Variants in SRFBP1 observed in about 807,000 individuals in gnomAD.
The protein encoded by SRFBP1 is serum response factor binding protein 1, also known as serum response factor-binding protein 1.
Under a neutral mutation model 45.5 loss-of-function variants are expected in SRFBP1, and 47 were observed. That is an observed-to-expected ratio of 1.03 (90% confidence interval 0.82 to 1.32). SRFBP1 has a LOEUF of 1.32. SRFBP1 is among the 40% of genes most tolerant of loss of function. The probability of loss-of-function intolerance (pLI) is 0.00; values close to 1 mark genes in which losing one functional copy is unlikely to be tolerated. For synonymous variants in SRFBP1, 203 were observed against 166.3 expected (o/e 1.22, Z -1.70); for missense variants, 621 against 484.6 (o/e 1.28, Z -2.64).
intron 1 of SRFBP1, among the ~76,000 whole-genome samples, chr5:121,964,709 A>G (rs1042187964): frequency 2.0e-5 from 3 of 152,142 alleles, no homozygotes; most frequent in Admixed American, 1.3e-4. Context: ...TATATAGCCA[A>G]TAATGGGATT....
chr5:122,077,744 T>C (rs1443211671), downstream of SRFBP1: 1 of 1,567,870 alleles, frequency 6.4e-7, no homozygotes, highest in Non-Finnish European at 8.6e-7. The surrounding 1 kb of genome is among the most constrained non-coding windows in gnomAD (Gnocchi z 4.9). Flanking sequence ...GGCGGAGGCG[T>C]TGGCTGCACC....
chr5:122,007,498 A>G (rs1006146731), intron 4 of SRFBP1, among the ~76,000 whole-genome samples: 4 of 151,924 alleles, frequency 2.6e-5, no homozygotes, highest in Non-Finnish European at 5.9e-5. Flanking sequence ...TCCTGGGGCC[A>G]TGGGGAACAG....
intron 3 of SRFBP1, among the ~76,000 whole-genome samples, chr5:121,976,195 G>A (rs1221878635): frequency 6.6e-6 from 1 of 151,652 alleles, no homozygotes; most frequent in African/African-American, 2.4e-5. Flanking sequence ...TAAACGGATA[G>A]TAAAGTGTTT....
At chr5:122,000,550 A>G (rs1196019963) in intron 4 of SRFBP1, among the ~76,000 whole-genome samples, 1 of 152,042 alleles carries the variant, frequency 6.6e-6, no homozygotes, top group Non-Finnish European at 1.5e-5. Flanking sequence ...AAATATTTTT[A>G]CTAAGTATAG....
rs546815625 is a variant in SRFBP1 at position 122,020,129 on chromosome 5, G to T, written c.394G>T (p.Glu132Ter). Reference protein sequence around the residue: ...AFKEARQNVAEVESSKNASED... With the variant: ...AFKEARQNVA ...TAAAGAAGCAAGACAAAATGTTGCT[G>T]AAGTTGAGTCATCAAAGAATGCTTC... Residue 132 changes from glutamate to a stop codon, truncating the protein, a stop_gained, in exon 6 of 8, where the codon GAA (glutamate) becomes TAA (stop). Coordinates refer to ENST00000339397, the MANE Select transcript of SRFBP1 (RefSeq NM_152546.3). LOFTEE classifies it high-confidence loss of function. 1 of 1,587,704 alleles carries T rather than the reference G, an allele frequency of 6.3e-7. No homozygotes were observed. Among genetic ancestry groups the T allele is most frequent in the East Asian group, 2.2e-5 (1 of 44,660 alleles).
intron 4 of SRFBP1, among the ~76,000 whole-genome samples, chr5:122,006,549 C>G (rs924734608): frequency 6.6e-6 from 1 of 152,056 alleles, no homozygotes; most frequent in African/African-American, 2.4e-5. Context: ...TCTTTTGATG[C>G]TGTTCCATAA....
intron 3 of SRFBP1, among the ~76,000 whole-genome samples, chr5:121,985,960 C>G (rs1169219940): frequency 6.6e-6 from 1 of 151,702 alleles, no homozygotes; most frequent in East Asian, 1.9e-4. Context: ...GTCTGCAGTT[C>G]AGAGAAATTA....
chr5:122,045,733 T>C (rs576564843), intron 2 of SRFBP1, among the ~76,000 whole-genome samples: 1 of 152,342 alleles, frequency 6.6e-6, no homozygotes, highest in South Asian at 2.1e-4. Context: ...TGAAGGTCTT[T>C]ATCATATTGA....
chr5:121,989,050 T>C (rs539257976), intron 3 of SRFBP1, among the ~76,000 whole-genome samples: 2 of 146,038 alleles, frequency 1.4e-5, no homozygotes, highest in East Asian at 2.0e-4. Context: ...AAAAAAGATA[T>C]TGGAATTTGT....
At chr5:121,979,685 G>A (rs139224321) in intron 3 of SRFBP1, among the ~76,000 whole-genome samples, 1 of 152,264 alleles carries the variant, frequency 6.6e-6, no homozygotes, top group Non-Finnish European at 1.5e-5. Flanking sequence ...AAAGGGGACA[G>A]GAGAAGCAAG....
intron 3 of SRFBP1, among the ~76,000 whole-genome samples, chr5:121,976,189 C>T (rs577326577): frequency 2.0e-5 from 3 of 152,036 alleles, no homozygotes; most frequent in African/African-American, 4.8e-5. Context: ...TCCTTTTAAA[C>T]GGATAGTAAA....
chr5:122,052,770 G>T (rs867576557), intron 2 of SRFBP1, among the ~76,000 whole-genome samples: 28 of 152,248 alleles, frequency 1.8e-4, no homozygotes, highest in Middle Eastern at 3.4e-3. Flanking sequence ...TTTCGACTCA[G>T]TTAAGAACCT....
At chr5:122,007,640 G>A (rs151206948) in intron 4 of SRFBP1, among the ~76,000 whole-genome samples, 8 of 151,260 alleles carry the variant, frequency 5.3e-5, no homozygotes, top group Admixed American at 3.3e-4. Context: ...AGACAGGAGC[G>A]GTCCTGCACC....
At chr5:122,053,081 G>A (rs1451859017) in intron 2 of SRFBP1, among the ~76,000 whole-genome samples, 1 of 152,142 alleles carries the variant, frequency 6.6e-6, no homozygotes, top group Non-Finnish European at 1.5e-5. Flanking sequence ...CCATGGGGCT[G>A]CTTAGGCAGG....
intron 3 of SRFBP1, among the ~76,000 whole-genome samples, chr5:121,978,520 C>G (rs542943173): frequency 1.3e-5 from 2 of 152,028 alleles, no homozygotes; most frequent in African/African-American, 4.8e-5. Flanking sequence ...GAGATGGAGT[C>G]TCTCTCTGTC....
chr5:121,964,289 G>C (rs976201868), intron 1 of SRFBP1, among the ~76,000 whole-genome samples: 3 of 151,996 alleles, frequency 2.0e-5, no homozygotes, highest in Non-Finnish European at 2.9e-5. Flanking sequence ...GTGGTTTACT[G>C]CACCCATTAA....
downstream of SRFBP1, chr5:122,076,927 G>A (rs762801139): frequency 1.5e-5 from 25 of 1,613,668 alleles, no homozygotes; most frequent in South Asian, 2.7e-4. Context: ...GCGCATCTCA[G>A]GTTGTACATG....
intron 2 of SRFBP1, chr5:122,074,073 A>C (rs1368812975): frequency 6.2e-7 from 1 of 1,614,178 alleles, no homozygotes; most frequent in African/African-American, 1.3e-5. Context: ...ATGTGTCTTC[A>C]AGACAGAAAC....
chr5:121,962,135 G>C, intron 1 of SRFBP1, 67 bp downstream of exon 1: 1 of 1,595,710 alleles, frequency 6.3e-7, no homozygotes. Context: ...TGAGACGCGT[G>C]GTCGGAGGCG....
Sources: allele counts gnomAD v4.1 joint callset (sites outside exome capture counted in the v4.1 genomes callset), GRCh38; gene constraint gnomAD v4.1.1; non-coding constraint Gnocchi (gnomAD v3.1); transcripts MANE v1.5; gene names NCBI Gene and HGNC (gene_info 2026-07-23, HGNC 2026-07-21).